The following TMBIM1 variants were observed in gnomAD, a reference collection of about 807,000 sequenced individuals.
TMBIM1 encodes transmembrane BAX inhibitor motif containing 1.
TMBIM1 carries 34 observed loss-of-function variants against 45.1 expected under a neutral mutation model. The observed-to-expected ratio is 0.75, with a 90% CI of 0.57 to 1.00. The LOEUF is 1.00. Ranked by LOEUF, TMBIM1 falls within the 50% of genes least tolerant of loss-of-function variation. TMBIM1 has a pLI of 0.00. For missense variants in TMBIM1, 374 were observed against 402.4 expected (o/e 0.93, Z 0.60); for synonymous variants, 157 against 153.5 (o/e 1.02, Z -0.17).
intron 1 of TMBIM1, chr2:218,286,002 G>A (rs1175901761): frequency 6.5e-6 from 1 of 154,902 alleles, no homozygotes; most frequent in Non-Finnish European, 1.5e-5. Flanking sequence ...AAGGGTGGAG[G>A]CTAGAGAAGA....
intron 1 of TMBIM1, among the ~76,000 whole-genome samples, chr2:218,291,327 G>C (rs1228244130): frequency 1.3e-5 from 2 of 152,210 alleles, no homozygotes; most frequent in East Asian, 3.8e-4. Context: ...GGAGGCAGGT[G>C]AGAAGGAAGT....
At chr2:218,278,390 A>G (rs1006722138) in intron 6 of TMBIM1, 125 bp downstream of exon 6, 1 of 1,005,828 alleles carries the variant, frequency 9.9e-7, no homozygotes, top group Non-Finnish European at 1.5e-6. Flanking sequence ...TGTCATCGTC[A>G]TCCTCCTCCT....
intron 1 of TMBIM1, among the ~76,000 whole-genome samples, chr2:218,288,134 G>T (rs1010785091): frequency 6.6e-6 from 1 of 152,164 alleles, no homozygotes; most frequent in Non-Finnish European, 1.5e-5. Context: ...CCCCAAAAAA[G>T]AACTAGGGAA....
At chr2:218,289,428 G>A (rs577449862) in intron 1 of TMBIM1, among the ~76,000 whole-genome samples, 2 of 152,148 alleles carry the variant, frequency 1.3e-5, no homozygotes, top group South Asian at 4.2e-4. Context: ...GATCACTTGA[G>A]GTCAGGTGTT....
intron 1 of TMBIM1, among the ~76,000 whole-genome samples, chr2:218,284,971 T>G (rs1002028782): frequency 1.3e-5 from 2 of 152,108 alleles, no homozygotes; most frequent in Admixed American, 6.6e-5. Flanking sequence ...GCGCCTAGAA[T>G]CCCAGTTACT....
At chr2:218,280,864 T>G (rs1313663613) in intron 2 of TMBIM1, 1 of 140,002 alleles carries the variant, frequency 7.1e-6, no homozygotes, top group African/African-American at 2.8e-5. Flanking sequence ...CAAGCTGGAG[T>G]GCAAAGGCGT....
At chr2:218,290,316 T>C (rs1201745645) in intron 1 of TMBIM1, among the ~76,000 whole-genome samples, 2 of 152,222 alleles carry the variant, frequency 1.3e-5, no homozygotes, top group African/African-American at 2.4e-5. Context: ...GAGCCACTTT[T>C]ATCGAGGCAA....
chr2:218,274,814 T>A lies in TMBIM1; in HGVS notation c.*661A>T, dbSNP rs1422157136. 1 of 153,962 alleles carries A rather than the reference T, an allele frequency of 6.5e-6. No homozygotes were observed. Among genetic ancestry groups the A allele is most frequent in the African/African-American group, 2.4e-5 (1 of 41,502 alleles). 9.5% of individuals were successfully genotyped at this position (153,962 alleles called of 1,614,324 possible). On this transcript the variant is annotated 3_prime_UTR_variant, in exon 12 of 12. Coordinates refer to ENST00000258412, the MANE Select transcript of TMBIM1 (RefSeq NM_022152.6). ...GGAGCAAGCCCAGGGGAGATGCTGT[T>A]CCATGCTGGCCTGTATAGGTTACTT...
intron 1 of TMBIM1, among the ~76,000 whole-genome samples, chr2:218,282,898 C>T (rs1052978461): frequency 6.6e-6 from 1 of 152,172 alleles, no homozygotes. Context: ...CAAATAACAG[C>T]GGTGGCGTGT....
In TMBIM1 at chr2:218,277,053, A is replaced by G; in HGVS notation, c.686T>C (p.Val229Ala). The change falls in exon 10 of 12, where the codon GTG becomes GCG. Residue 229 changes from valine (V) to alanine (A), a missense_variant. Physicochemically the swap from Val to Ala is moderately conservative, Grantham distance 64 (BLOSUM62 0). Transcript: ENST00000258412. ...AGTGACAATCCCAGTCACCAGGAGCACAATTCCCAGGACACAGAAGAGGCC... is the reference window on the plus strand; with the variant it reads ...AGTGACAATCCCAGTCACCAGGAGCGCAATTCCCAGGACACAGAAGAGGCC... ...CTGLFCVLGI[V>A]LLVTGIVTSI... 1.9e-6 allele frequency: 3 copies of G among 1,614,190 alleles called. No homozygotes were observed. The highest frequency in any genetic ancestry group is 2.5e-6 in the Non-Finnish European group (3 of 1,180,016).
At position 218,276,096 on chromosome 2, in the gene TMBIM1, C is replaced by G. The variant is rs1691178743; in HGVS notation, c.736-17G>C. 1 of 1,611,418 alleles carries G rather than the reference C, an allele frequency of 6.2e-7. No individual in the cohort carries two copies. The highest frequency in any genetic ancestry group is 1.7e-5 in the Admixed American group (1 of 59,634). On this transcript the variant is annotated splice_polypyrimidine_tract_variant and intron_variant, in intron 10 of 11. Coordinates refer to ENST00000258412, the MANE Select transcript of TMBIM1 (RefSeq NM_022152.6). The stretch of plus-strand genomic sequence containing the variant: ...CCAGTAAACCTGGAGAAGAAGGGGA[C>G]AGAGAATGGCATTAGAAACCTCAGC...
Position 218,279,337 on chromosome 2 carries a change from G to A in TMBIM1, c.320C>T (p.Ser107Phe). 1 of 1,585,660 alleles carries A rather than the reference G, an allele frequency of 6.3e-7. No homozygotes were observed. The highest frequency in any genetic ancestry group is 1.2e-5 in the South Asian group (1 of 86,762). Residue 107 changes from serine to phenylalanine, a missense_variant, in exon 4 of 12, where the codon TCC becomes TTC. Physicochemically the swap from Ser to Phe is radical, Grantham distance 155. Coordinates refer to ENST00000258412, the MANE Select transcript of TMBIM1 (RefSeq NM_022152.6). ...TFIRKVYSII[S>F]VQLLITVAII... Reference sequence around the variant, plus strand: ...GGCCACAGTGATGAGCAGCTGCACGGAGATGATGGAGTAAACCTGGACACA... The same window carrying A: ...GGCCACAGTGATGAGCAGCTGCACGAAGATGATGGAGTAAACCTGGACACA...
intron 5 of TMBIM1, among the ~76,000 whole-genome samples, 173 bp from the exon 6 acceptor site, chr2:218,278,738 GC>G (rs1364916474): frequency 6.6e-6 from 1 of 152,226 alleles, no homozygotes. Flanking sequence ...ATGCTCTGAA[GC>G]ACCAGGCTCC....
At chr2:218,276,176 T>A in intron 10 of TMBIM1, 97 bp from the exon 11 acceptor site, 1 of 1,357,480 alleles carries the variant, frequency 7.4e-7, no homozygotes, top group Non-Finnish European at 1.0e-6. Context: ...TGAGAGTGGG[T>A]AGAGCTGGGA....
intron 7 of TMBIM1, 99 bp from the exon 8 acceptor site, chr2:218,277,769 G>A (rs2168704): frequency 0.55 from 855,981 of 1,558,060 alleles, 241,150 homozygotes; most frequent in South Asian, 0.64. Context: ...GCTGGGGAAC[G>A]CCACCAAGTT....
intron 11 of TMBIM1, among the ~76,000 whole-genome samples, 177 bp from the exon 12 acceptor site, chr2:218,275,798 G>A (rs1691144640): frequency 6.6e-6 from 1 of 152,206 alleles, no homozygotes; most frequent in Admixed American, 6.5e-5. Flanking sequence ...AAAGGAGGCA[G>A]ACACACCGTT....
intron 1 of TMBIM1, among the ~76,000 whole-genome samples, chr2:218,287,021 G>A (rs1226455722): frequency 6.6e-6 from 1 of 152,102 alleles, no homozygotes; most frequent in Non-Finnish European, 1.5e-5. Flanking sequence ...TCATAGCCAC[G>A]AGAGCAAATG....
chr2:218,278,919 A>G (rs756369458), intron 5 of TMBIM1, 119 bp downstream of exon 5: 11 of 1,177,982 alleles, frequency 9.3e-6, no homozygotes, highest in African/African-American at 1.5e-5. Flanking sequence ...GGAAACTGGC[A>G]CCAACTTGGG....
intron 4 of TMBIM1, 59 bp from the exon 5 acceptor site, chr2:218,279,150 C>T: frequency 1.9e-6 from 3 of 1,606,630 alleles, no homozygotes; most frequent in Non-Finnish European, 1.7e-6. Flanking sequence ...CCACCCAGGC[C>T]AGCCAGGCAG....
Sources: gnomAD v4.1 joint callset for allele counts (sites outside exome capture counted in the v4.1 genomes callset) on GRCh38, gnomAD v4.1.1 for gene constraint, MANE v1.5 for transcripts, NCBI Gene and HGNC (gene_info 2026-07-23, HGNC 2026-07-21) for gene names.